PRAMEF6: variants seen among roughly 807,000 people sequenced by gnomAD.
PRAMEF6 encodes the protein PRAME family member 6.
For synonymous variants in PRAMEF6, 8 were observed against 134.4 expected, an observed-to-expected ratio of 0.06 and a Z score of 6.51; for missense variants, 29 against 349.2, an observed-to-expected ratio of 0.08 and a Z score of 7.31.
Position 12,941,275 on chromosome 1 carries a change from C to G in PRAMEF6, c.578G>C (p.Arg193Pro). ...CATTTTCAGGATGCTTCTGATATTG[C>G]GGAAGGGCATTCCCAAAATTTTCAG... Reference protein sequence around the residue: ...KKLKILGMPFRNIRSILKMVN... With the variant: ...KKLKILGMPFPNIRSILKMVN... The change falls in exon 3 of 4, where the codon CGC (arginine) becomes CCC (proline). Residue 193 changes from arginine (R) to proline (P), a missense_variant. Coordinates refer to ENST00000376189, the MANE Select transcript of PRAMEF6 (RefSeq NM_001010889.2). 1 of 886,646 alleles carries G rather than the reference C, an allele frequency of 1.1e-6. No individual in the cohort carries two copies. The highest frequency in any genetic ancestry group is 1.6e-6 in the Non-Finnish European group (1 of 636,712). The allele number at this position is 886,646 out of a possible 1,614,324, so 54.9% of individuals were successfully genotyped here. A position where few individuals can be genotyped will look rare whatever the true frequency, so the allele number is the denominator to read the frequency against.
chr1:12,940,927 G>T, intron 3 of PRAMEF6, 57 bp downstream of exon 3: 1 of 132,940 alleles, frequency 7.5e-6, no homozygotes, highest in Non-Finnish European at 1.2e-5. Context: ...GCCCACTAGC[G>T]TTTACTGTAA....
In PRAMEF6 at chr1:12,941,807, G is replaced by T. The variant is rs545906673; in HGVS notation, c.288-242C>A. ...GTGATGTCACCTCACTGCAACCTCT[G>T]CTTCCCGGGTTCAAATGATTCTCCT... On this transcript the variant is annotated intron_variant, in intron 2 of 3. Transcript: ENST00000376189. Among the ~76,000 whole-genome samples, 21 of 107,064 alleles carry T rather than the reference G, an allele frequency of 2.0e-4. 4 individuals are homozygous for T. The highest frequency in any genetic ancestry group is 7.4e-4 in the African/African-American group (14 of 18,792). The allele number at this position is 107,064 out of a possible 152,430, so 70.2% of individuals were successfully genotyped here.
intron 2 of PRAMEF6, among the ~76,000 whole-genome samples, chr1:12,941,880 C>G (rs879508559): frequency 1.5e-5 from 1 of 66,108 alleles, no homozygotes; most frequent in African/African-American, 1.0e-4. Context: ...ACCACCATGC[C>G]CAGCTAATTT....
At chr1:12,947,306 AT>A (rs1480269488) in intron 1 of PRAMEF6, among the ~76,000 whole-genome samples, 3 of 93,898 alleles carry the variant, frequency 3.2e-5, no homozygotes. Flanking sequence ...CCCTTCACGA[AT>A]TTTAAAATGG....
At chr1:12,941,633 C>G (rs77463497) in intron 2 of PRAMEF6, 68 bp from the exon 3 acceptor site, 195,381 of 410,084 alleles carry the variant, frequency 0.48, 57,889 homozygotes, top group Middle Eastern at 0.57. Flanking sequence ...CCACATCCTG[C>G]ATAGCAGCTC....
rs938043123 is a variant in PRAMEF6, at chr1:12,938,747, G to C, written c.1359C>G (p.Phe453Leu). The part of the protein sequence containing the change: ...RDLRHPKRIL[F>L]CTDCCPDCGN... ...CACAGTCAGGGCAGCAGTCAGTACA[G>C]AACAAGATCCTCTTGGGGTGCCTTA... Residue 453 changes from phenylalanine (F) to leucine (L), a missense_variant, in exon 4 of 4, where the codon TTC becomes TTG. Transcript: ENST00000376189. 1.2e-6 allele frequency: 2 copies of C among 1,610,504 alleles called. No individual in the cohort carries two copies. The highest frequency in any genetic ancestry group is 2.7e-5 in the African/African-American group (2 of 74,014).
chr1:12,941,787 G>A (rs7412346), intron 2 of PRAMEF6, among the ~76,000 whole-genome samples: 1,094 of 108,484 alleles, frequency 0.01, 55 homozygotes, highest in Middle Eastern at 0.019. Context: ...GTGGTGTGAT[G>A]TCACCTCACT....
rs1641764423 is a variant in PRAMEF6 at position 12,947,247 on chromosome 1, CCCA to C, written c.-23+267_-23+269del. ...CAAACCCCTGGGCTGAAATGATCCT[CCCA>C]CTTTGGCCTCCCAAAGTGTTGGGGT... On this transcript the variant is annotated intron_variant, in intron 1 of 3. Transcript: ENST00000376189. 1.7e-4 allele frequency among the ~76,000 whole-genome samples: 6 copies of C among 35,556 alleles called. No homozygotes were observed. In the South Asian group the frequency reaches 2.7e-3, roughly 16 times the overall value. The allele number at this position is 35,556 out of a possible 152,430, so 23.3% of individuals were successfully genotyped here.
chr1:12,941,760 A>G (rs2185332), intron 2 of PRAMEF6, among the ~76,000 whole-genome samples, 195 bp from the exon 3 acceptor site: 12,093 of 98,274 alleles, frequency 0.12, 371 homozygotes, highest in African/African-American at 0.17. Context: ...TCCCTCTGTC[A>G]CCCAGGCTGG....
At chr1:12,939,372 A>T in intron 3 of PRAMEF6, 136 bp from the exon 4 acceptor site, 1 of 1,089,070 alleles carries the variant, frequency 9.2e-7, no homozygotes, top group Non-Finnish European at 1.3e-6. Context: ...GATGGTCAAC[A>T]CTTAGGATGA....
chr1:12,941,723 T>G lies in PRAMEF6; in HGVS notation c.288-158A>C, dbSNP rs1208453673. On this transcript the variant is annotated intron_variant, in intron 2 of 3. Coordinates refer to ENST00000376189, the MANE Select transcript of PRAMEF6 (RefSeq NM_001010889.2). ...CTTGGATCCTGCCCACTTCCACATT[T>G]TTTTGTTTTTCTTTTGAGACCAAGT... 2.0e-4 allele frequency among the ~76,000 whole-genome samples: 22 copies of G among 108,290 alleles called. 4 individuals carry two copies. The highest frequency in any genetic ancestry group is 2.5e-4 in the Non-Finnish European group (14 of 56,122). The allele number at this position is 108,290 out of a possible 152,430, so 71.0% of individuals were successfully genotyped here.
At position 12,941,581 on chromosome 1, in the gene PRAMEF6, G is replaced by A; in HGVS notation, c.288-16C>T. 2 of 1,115,956 alleles carry A rather than the reference G, an allele frequency of 1.8e-6. No individual in the cohort carries two copies. The highest frequency in any genetic ancestry group is 2.7e-5 in the East Asian group (1 of 37,626). The allele number at this position is 1,115,956 out of a possible 1,614,324, so 69.1% of individuals were successfully genotyped here. A position where few individuals can be genotyped will look rare whatever the true frequency, so the allele number is the denominator to read the frequency against. On this transcript the variant is annotated splice_polypyrimidine_tract_variant and intron_variant, in intron 2 of 3. Transcript: ENST00000376189. ...TTTCCACCTCCTGTGGGAAAATAGA[G>A]GTGAGAATGAGAATTTCAGAACTCA...
intron 3 of PRAMEF6, among the ~76,000 whole-genome samples, chr1:12,939,726 A>G (rs935855260): frequency 2.7e-5 from 3 of 112,238 alleles, no homozygotes; most frequent in African/African-American, 1.2e-4. Context: ...AAGGAGAAAA[A>G]AATAATTCCA....
rs1406257686 is a variant in PRAMEF6, at chr1:12,938,600, TACCTAAG to T, written c.*68_*74del. The T allele has an allele frequency of 1.3e-4, 164 of 1,298,262 alleles. 1 individual carries two copies. Among genetic ancestry groups the T allele is most frequent in the Middle Eastern group, 8.0e-4 (3 of 3,752 alleles). The allele number at this position is 1,298,262 out of a possible 1,614,324, so 80.4% of individuals were successfully genotyped here. A position where few individuals can be genotyped will look rare whatever the true frequency, so the allele number is the denominator to read the frequency against. Reference sequence around the variant, plus strand: ...TGGGTTCTGTGCTCCCTATAGGATGTACCTAAGACCTAGGTTTTAGTTTCCAAGTGTC... The same window carrying T: ...TGGGTTCTGTGCTCCCTATAGGATGTACCTAGGTTTTAGTTTCCAAGTGTC... On this transcript the variant is annotated 3_prime_UTR_variant, in exon 4 of 4. Coordinates refer to ENST00000376189, the MANE Select transcript of PRAMEF6 (RefSeq NM_001010889.2).
chr1:12,941,761 C>CA (rs1283283094), intron 2 of PRAMEF6, among the ~76,000 whole-genome samples, 196 bp from the exon 3 acceptor site: 2 of 114,046 alleles, frequency 1.8e-5, no homozygotes, highest in Non-Finnish European at 3.4e-5. Context: ...CCCTCTGTCA[C>CA]CCAGGCTGGA....
At chr1:12,943,053 TTC>T (rs1219623874) in intron 1 of PRAMEF6, among the ~76,000 whole-genome samples, 2 of 147,994 alleles carry the variant, frequency 1.4e-5, no homozygotes, top group Non-Finnish European at 3.0e-5. Flanking sequence ...CCTCCCTTCT[TTC>T]TTTCTTTCCT....
In PRAMEF6 at chr1:12,939,752, C is replaced by T. The variant is rs2982172; in HGVS notation, c.870-516G>A. ...AATAATTCCATTTGAGGCTGAGTCA[C>T]TTCACCATCATTTATAGGAATGGAT... On this transcript the variant is annotated intron_variant, in intron 3 of 3. Coordinates refer to ENST00000376189, the MANE Select transcript of PRAMEF6 (RefSeq NM_001010889.2). Among the ~76,000 whole-genome samples, 12 of 94,298 alleles carry T rather than the reference C, an allele frequency of 1.3e-4. 1 individual carries two copies. In the South Asian group the frequency reaches 3.0e-3, roughly 24 times the overall value. The allele number at this position is 94,298 out of a possible 152,430, so 61.9% of individuals were successfully genotyped here. A position where few individuals can be genotyped will look rare whatever the true frequency, so the allele number is the denominator to read the frequency against.
rs878898811 is a variant in PRAMEF6 at position 12,938,506 on chromosome 1, C to T, written c.*169G>A. 4.9e-5 allele frequency: 37 copies of T among 757,508 alleles called. 8 individuals are homozygous for T. The highest frequency in any genetic ancestry group is 2.0e-4 in the South Asian group (10 of 48,782). The allele number at this position is 757,508 out of a possible 1,614,324, so 46.9% of individuals were successfully genotyped here. A position where few individuals can be genotyped will look rare whatever the true frequency, so the allele number is the denominator to read the frequency against. ...AAGTCCCATCGAATCCATGGCAACA[C>T]TTCCCCCAAGTCCTGCCCCTGCTTG... On this transcript the variant is annotated 3_prime_UTR_variant, in exon 4 of 4. Transcript: ENST00000376189.
intron 3 of PRAMEF6, 143 bp from the exon 4 acceptor site, chr1:12,939,379 A>T (rs1641690910): frequency 9.3e-7 from 1 of 1,071,128 alleles, no homozygotes; most frequent in South Asian, 1.6e-5. Flanking sequence ...AACACTTAGG[A>T]TGATGTGTGA....
Sources: allele counts gnomAD v4.1 joint callset (sites outside exome capture counted in the v4.1 genomes callset), GRCh38; gene constraint gnomAD v4.1.1; transcripts MANE v1.5; gene names NCBI Gene and HGNC (gene_info 2026-07-23, HGNC 2026-07-21).